Variants in KCNH1 observed in about 807,000 individuals in gnomAD.
KCNH1 encodes the protein voltage-gated delayed rectifier potassium channel KCNH1.
In KCNH1, 27 loss-of-function variants were observed where a neutral mutation model predicts 69.2. The ratio of observed to expected loss-of-function variants is 0.39; its 90% CI spans 0.29 to 0.54. KCNH1 has a LOEUF of 0.54. KCNH1 is among the 20% of genes least tolerant of loss of function. The probability of loss-of-function intolerance (pLI) is 0.68; values close to 1 mark genes in which losing one functional copy is unlikely to be tolerated. For synonymous variants in KCNH1, 456 were observed against 487.7 expected (o/e 0.93, Z 0.86); for missense variants, 798 against 1,261.6 (o/e 0.63, Z 5.57).
At chr1:210,922,054 G>A (rs756499391) in intron 6 of KCNH1, among the ~76,000 whole-genome samples, 5 of 151,960 alleles carry the variant, frequency 3.3e-5, no homozygotes, top group African/African-American at 7.3e-5. Flanking sequence ...GTTGAGGTGA[G>A]GATGGAAGAG....
At chr1:210,729,317 G>GA (rs879686748) in intron 10 of KCNH1, among the ~76,000 whole-genome samples, 6 of 151,964 alleles carry the variant, frequency 3.9e-5, no homozygotes, top group Admixed American at 6.5e-5. Flanking sequence ...AAATTATCAA[G>GA]AAAAAAAATG....
At chr1:211,096,811 A>G (rs1347769710) in intron 3 of KCNH1, among the ~76,000 whole-genome samples, 2 of 152,240 alleles carry the variant, frequency 1.3e-5, no homozygotes, top group Admixed American at 6.5e-5. Flanking sequence ...CATGGCCAAT[A>G]AATCTTTGAA....
intron 10 of KCNH1, among the ~76,000 whole-genome samples, chr1:210,743,771 C>G (rs1301034874): frequency 1.3e-5 from 2 of 152,180 alleles, no homozygotes; most frequent in African/African-American, 4.8e-5. Flanking sequence ...TCATTGACCC[C>G]CAAAATATCA....
chr1:211,023,879 T>C lies in KCNH1; in HGVS notation c.559-4623A>G, dbSNP rs183794249. Among the ~76,000 whole-genome samples the C allele has an allele frequency of 3.6e-3, 547 of 152,294 alleles. 1 individual carries two copies. The highest frequency in any genetic ancestry group is 6.8e-3 in the Middle Eastern group (2 of 294). On this transcript the variant is annotated intron_variant, in intron 5 of 10. Coordinates refer to ENST00000271751, the MANE Select transcript of KCNH1 (RefSeq NM_172362.3). ...TATTTGATAGGAGGAATAAGTGTTC[T>C]ATAGCACAGTAGAGTGAATAATAAT...
At chr1:210,999,791 C>T (rs1158579915) in intron 6 of KCNH1, among the ~76,000 whole-genome samples, 3 of 152,216 alleles carry the variant, frequency 2.0e-5, no homozygotes, top group Non-Finnish European at 4.4e-5. Context: ...CCAAATCCAG[C>T]AGCACATCAA....
Position 210,919,658 on chromosome 1 carries a change from C to A in KCNH1, c.1444G>T (p.Ala482Ser), listed in dbSNP as rs1295966969. The A allele has an allele frequency of 5.6e-6, 9 of 1,613,330 alleles. No homozygotes were observed. The South Asian group carries it at 7.7e-5, about 14-fold the overall frequency. The change falls in exon 7 of 11, where the codon GCC becomes TCC. Residue 482 changes from alanine to serine, a missense_variant. Ala to Ser is a moderately conservative substitution (Grantham distance 99). This residue lies in a region of KCNH1 where 197 missense variants were observed against 407.7 expected (regional missense o/e 0.48). Transcript: ENST00000271751. This position sits in a 1 kb window ranked among gnomAD's most constrained non-coding sequence, Gnocchi z 4.2. ...STDIEKIFAV[A>S]IMMIGSLLYA... Reference sequence around the variant, plus strand: ...TACTTACAGCCAATCATCATGATGGCCACTGCAAAGATCTTCTCAATGTCT... The same window carrying A: ...TACTTACAGCCAATCATCATGATGGACACTGCAAAGATCTTCTCAATGTCT...
intron 7 of KCNH1, among the ~76,000 whole-genome samples, chr1:210,882,941 A>C (rs1425483441): frequency 2.0e-5 from 3 of 152,154 alleles, no homozygotes; most frequent in Non-Finnish European, 2.9e-5. Context: ...AAAACATAAA[A>C]ACTGTGAAAA....
chr1:210,911,511 A>T (rs1216616984), intron 7 of KCNH1, among the ~76,000 whole-genome samples: 1 of 152,030 alleles, frequency 6.6e-6, no homozygotes, highest in Non-Finnish European at 1.5e-5. Flanking sequence ...GAAACATGTA[A>T]CTAACCTGCA....
At chr1:210,856,809 A>C (rs929742232) in intron 7 of KCNH1, among the ~76,000 whole-genome samples, 3 of 124,674 alleles carry the variant, frequency 2.4e-5, no homozygotes, top group Non-Finnish European at 5.3e-5. Flanking sequence ...ATTTATATAT[A>C]TATTATATAT....
intron 7 of KCNH1, among the ~76,000 whole-genome samples, chr1:210,909,077 T>G (rs1392261295): frequency 6.6e-6 from 1 of 152,232 alleles, no homozygotes; most frequent in Non-Finnish European, 1.5e-5. Context: ...CTCCCATGCA[T>G]GCAAAGAGGG....
At chr1:210,898,333 C>G (rs1006512048) in intron 7 of KCNH1, among the ~76,000 whole-genome samples, 2 of 152,096 alleles carry the variant, frequency 1.3e-5, no homozygotes, top group Non-Finnish European at 2.9e-5. Context: ...TTATTCTACT[C>G]GAAACAATAA....
At chr1:210,867,294 C>G (rs961564822) in intron 7 of KCNH1, among the ~76,000 whole-genome samples, 2 of 150,556 alleles carry the variant, frequency 1.3e-5, no homozygotes, top group African/African-American at 4.9e-5. Flanking sequence ...TATTTATATC[C>G]ACACACACCT....
intron 6 of KCNH1, among the ~76,000 whole-genome samples, chr1:210,987,305 G>A (rs1024454451): frequency 2.0e-5 from 3 of 152,160 alleles, no homozygotes; most frequent in African/African-American, 7.2e-5. Context: ...TCTCCACCCA[G>A]CTTTGTTCCA....
At chr1:210,977,629 T>G (rs1019859076) in intron 6 of KCNH1, among the ~76,000 whole-genome samples, 1 of 152,208 alleles carries the variant, frequency 6.6e-6, no homozygotes, top group Admixed American at 6.5e-5. Context: ...TACATTTTTA[T>G]TTGTATAGCT....
At chr1:210,994,339 T>G (rs902150616) in intron 6 of KCNH1, among the ~76,000 whole-genome samples, 2 of 152,228 alleles carry the variant, frequency 1.3e-5, no homozygotes, top group Non-Finnish European at 2.9e-5. Flanking sequence ...CTGTGCTAAG[T>G]GCCACAACTT....
At chr1:210,719,225 A>G (rs892176750) in intron 10 of KCNH1, among the ~76,000 whole-genome samples, 1 of 152,168 alleles carries the variant, frequency 6.6e-6, no homozygotes, top group Non-Finnish European at 1.5e-5. Flanking sequence ...TTCCATCACC[A>G]CAGAAAGTTG....
intron 6 of KCNH1, among the ~76,000 whole-genome samples, chr1:211,004,693 A>T (rs1461752407): frequency 6.6e-6 from 1 of 152,184 alleles, no homozygotes; most frequent in African/African-American, 2.4e-5. Flanking sequence ...AAATCCTTCA[A>T]ATTAAAGACA....
At chr1:210,868,321 T>A (rs1014302586) in intron 7 of KCNH1, among the ~76,000 whole-genome samples, 2 of 152,038 alleles carry the variant, frequency 1.3e-5, no homozygotes, top group South Asian at 2.1e-4. Flanking sequence ...AAGTTTTTTT[T>A]AATACATTCT....
chr1:210,812,448 C>T (rs1005349702), intron 7 of KCNH1, among the ~76,000 whole-genome samples: 16 of 152,148 alleles, frequency 1.1e-4, no homozygotes, highest in Admixed American at 1.0e-3. Context: ...CCAGATAGTG[C>T]CTGAAATTCA....
Sources: allele counts gnomAD v4.1 joint callset (sites outside exome capture counted in the v4.1 genomes callset), GRCh38; gene constraint gnomAD v4.1.1; regional missense constraint gnomAD v4.1.1; non-coding constraint Gnocchi (gnomAD v3.1); transcripts MANE v1.5; gene names NCBI Gene and HGNC (gene_info 2026-07-23, HGNC 2026-07-21).